DMD: variants seen among roughly 807,000 people sequenced by gnomAD.
The protein encoded by DMD is dystrophin.
Under a neutral mutation model 330.1 loss-of-function variants are expected in DMD, and 63 were observed. The ratio of observed to expected loss-of-function variants is 0.19; its 90% CI spans 0.16 to 0.24. DMD has a LOEUF of 0.24. DMD is among the 10% of genes least tolerant of loss of function. The pLI is 1.00. For synonymous variants in DMD, 1,223 were observed against 959.8 expected, an observed-to-expected ratio of 1.27 and a Z score of -5.07; for missense variants, 3,344 against 2,684.1, an observed-to-expected ratio of 1.25 and a Z score of -5.43.
chrX:32,423,574 C>T (rs1410157608), intron 29 of DMD, among the ~76,000 whole-genome samples: 1 of 109,905 alleles, frequency 9.1e-6, no homozygotes, highest in Non-Finnish European at 1.9e-5. Flanking sequence ...GGCATACAGA[C>T]GAACAAAAAC....
intron 18 of DMD, among the ~76,000 whole-genome samples, chrX:32,508,268 A>T (rs751132911): frequency 9.0e-6 from 1 of 111,567 alleles, no homozygotes; most frequent in African/African-American, 3.3e-5. Flanking sequence ...TTCAGACGAT[A>T]TCTGGGTTCT....
At chrX:32,768,499 A>G (rs1435211665) in intron 7 of DMD, among the ~76,000 whole-genome samples, 1 of 112,200 alleles carries the variant, frequency 8.9e-6, no homozygotes, top group African/African-American at 3.2e-5. Context: ...TATATTATTT[A>G]ATTCCCCATT....
At chrX:33,259,993 A>C (rs2052928229) in intron 1 of DMD, among the ~76,000 whole-genome samples, 1 of 110,875 alleles carries the variant, frequency 9.0e-6, no homozygotes, top group African/African-American at 3.3e-5. Context: ...TTGATTGTTT[A>C]CAAGTTTGGT....
intron 7 of DMD, among the ~76,000 whole-genome samples, chrX:32,749,594 G>C (rs1311179093): frequency 8.9e-6 from 1 of 112,436 alleles, no homozygotes; most frequent in Non-Finnish European, 1.9e-5. Context: ...GAAATGGAAA[G>C]AATGAATGGA....
chrX:32,000,538 G>A (rs1286434446), intron 44 of DMD, among the ~76,000 whole-genome samples: 1 of 111,574 alleles, frequency 9.0e-6, no homozygotes, highest in Non-Finnish European at 1.9e-5. Flanking sequence ...GAGCCAATGT[G>A]TGTTCCCTTG....
At chrX:31,492,201 C>T (rs904647441) in intron 57 of DMD, among the ~76,000 whole-genome samples, 4 of 112,442 alleles carry the variant, frequency 3.6e-5, no homozygotes, top group Non-Finnish European at 7.5e-5. Context: ...CAAAGTAAAA[C>T]AAAAGTCCAC....
intron 60 of DMD, among the ~76,000 whole-genome samples, chrX:31,380,005 T>C (rs1034716554): frequency 1.8e-5 from 2 of 111,337 alleles, no homozygotes; most frequent in Non-Finnish European, 3.8e-5. Flanking sequence ...AGAAGCCCCC[T>C]AGACCATCAC....
chrX:32,486,400 A>G (rs1385872623), intron 20 of DMD, among the ~76,000 whole-genome samples: 1 of 111,914 alleles, frequency 8.9e-6, no homozygotes, highest in Non-Finnish European at 1.9e-5. Flanking sequence ...TTCCTAATAT[A>G]GTTTCTAGAC....
chrX:32,822,693 C>A lies in DMD; in HGVS notation c.357+602G>T, dbSNP rs181064394. ...TATATATAGACACATTATATATATA[C>A]GCATATATACTACACACACACACAC... On this transcript the variant is annotated intron_variant, in intron 5 of 78. Coordinates refer to ENST00000357033, the MANE Select transcript of DMD (RefSeq NM_004006.3). Among the ~76,000 whole-genome samples the A allele has an allele frequency of 7.3e-3, 796 of 108,837 alleles. 3 individuals are homozygous for A. Among genetic ancestry groups the A allele is most frequent in the Non-Finnish European group, 0.012 (639 of 52,362 alleles). The allele number at this position is 108,837 out of a possible 115,157, so 94.5% of individuals were successfully genotyped here.
At chrX:31,849,694 A>G (rs1381239361) in intron 48 of DMD, among the ~76,000 whole-genome samples, 1 of 110,651 alleles carries the variant, frequency 9.0e-6, no homozygotes, top group African/African-American at 3.3e-5. Flanking sequence ...ATGTTTTCCA[A>G]TTGATCTTCT....
At chrX:32,034,892 A>G (rs1224958145) in intron 44 of DMD, among the ~76,000 whole-genome samples, 1 of 112,251 alleles carries the variant, frequency 8.9e-6, no homozygotes, top group East Asian at 2.8e-4. Flanking sequence ...TAAATACTAA[A>G]AAATTAATTA....
chrX:31,141,570 C>T (rs2036053363), intron 76 of DMD, among the ~76,000 whole-genome samples: 1 of 111,411 alleles, frequency 9.0e-6, no homozygotes, highest in African/African-American at 3.3e-5. Context: ...AAGAATTTTG[C>T]TCTTTTTCAT....
chrX:31,333,952 A>C (rs1334740146), intron 61 of DMD, among the ~76,000 whole-genome samples: 1 of 106,468 alleles, frequency 9.4e-6, no homozygotes, highest in Non-Finnish European at 1.9e-5. Flanking sequence ...TTTTTTTTGG[A>C]TACAGAGTCT....
chrX:32,322,534 G>T (rs2097623317), intron 41 of DMD, among the ~76,000 whole-genome samples: 1 of 110,688 alleles, frequency 9.0e-6, no homozygotes, highest in African/African-American at 3.3e-5. Flanking sequence ...CGGCACTCCA[G>T]CTTGGGCAAT....
In DMD at chrX:32,887,770, A is replaced by AAAAAAAAAAAAAAAAAAAAAAC. The variant is rs1383701636; in HGVS notation, c.94-37951_94-37950insGTTTTTTTTTTTTTTTTTTTTT. On this transcript the variant is annotated intron_variant, in intron 2 of 78. Coordinates refer to ENST00000357033, the MANE Select transcript of DMD (RefSeq NM_004006.3). ...CAAAAAAAAAAAAAAAAAAAAAAAA[A>AAAAAAAAAAAAAAAAAAAAAAC]AAAAAACATCAACTAAAAGCTTATG... Among the ~76,000 whole-genome samples, 55 of 70,359 alleles carry AAAAAAAAAAAAAAAAAAAAAAC rather than the reference A, an allele frequency of 7.8e-4. 6 individuals carry two copies. Among genetic ancestry groups the AAAAAAAAAAAAAAAAAAAAAAC allele is most frequent in the Non-Finnish European group, 1.1e-3 (38 of 34,640 alleles). 61.1% of individuals were successfully genotyped at this position (70,359 alleles called of 115,157 possible).
intron 74 of DMD, among the ~76,000 whole-genome samples, chrX:31,156,411 G>T (rs905496049): frequency 3.6e-5 from 4 of 112,465 alleles, no homozygotes; most frequent in African/African-American, 1.3e-4. Flanking sequence ...CCCATCAGGG[G>T]AAAGGTTGAA....
chrX:32,881,743 T>G (rs2083964143), intron 2 of DMD, among the ~76,000 whole-genome samples: 1 of 112,204 alleles, frequency 8.9e-6, no homozygotes, highest in South Asian at 3.7e-4. Flanking sequence ...TATATCTTAT[T>G]AGACATATTA....
At chrX:31,497,034 A>G in intron 56 of DMD, 90 bp from the exon 57 acceptor site, 1 of 1,037,739 alleles carries the variant, frequency 9.6e-7, no homozygotes, top group African/African-American at 1.9e-5. Flanking sequence ...CAATAAACCT[A>G]TTGTGAACTA....
intron 7 of DMD, among the ~76,000 whole-genome samples, chrX:32,789,675 C>A (rs892892256): frequency 5.4e-5 from 6 of 111,784 alleles, no homozygotes; most frequent in Admixed American, 1.9e-4. Context: ...CTCTCTAAGC[C>A]TCAGTTTTTC....
Sources: allele counts gnomAD v4.1 joint callset (sites outside exome capture counted in the v4.1 genomes callset), GRCh38; gene constraint gnomAD v4.1.1; transcripts MANE v1.5; gene names NCBI Gene and HGNC (gene_info 2026-07-23, HGNC 2026-07-21).